CSMD2: variants seen among roughly 807,000 people sequenced by gnomAD.
CSMD2 encodes CUB and sushi domain-containing protein 2.
A neutral mutation model predicts 398.5 loss-of-function variants in CSMD2; 130 were observed. The observed-to-expected ratio is 0.33, with a 90% CI of 0.28 to 0.38. The LOEUF (loss-of-function observed/expected upper bound fraction) is 0.38, where lower values mean the gene tolerates loss of function less well. Ranked by LOEUF, CSMD2 falls within the 10% of genes least tolerant of loss-of-function variation. CSMD2 has a pLI of 1.00. For synonymous variants in CSMD2, 1,828 were observed against 1,908.5 expected (o/e 0.96, Z 1.10); for missense variants, 3,829 against 4,764.9 (o/e 0.80, Z 5.78).
intron 43 of CSMD2, among the ~76,000 whole-genome samples, chr1:33,602,006 T>G: frequency 6.6e-6 from 1 of 152,144 alleles, no homozygotes; most frequent in African/African-American, 2.4e-5. Flanking sequence ...ATCTCTTCCA[T>G]TAGTCTGGGT....
intron 13 of CSMD2, 23 bp downstream of exon 13, chr1:33,772,546 T>C: frequency 6.2e-7 from 1 of 1,601,434 alleles, no homozygotes. Flanking sequence ...GACCCTGGCG[T>C]GGCCTCCTCC....
At chr1:33,672,312 A>C (rs1225147104) in intron 25 of CSMD2, among the ~76,000 whole-genome samples, 1 of 152,244 alleles carries the variant, frequency 6.6e-6, no homozygotes, top group East Asian at 1.9e-4. Context: ...ACGGCACACC[A>C]GGAGATTATA....
At chr1:34,057,540 G>A (rs371589707) in intron 2 of CSMD2, among the ~76,000 whole-genome samples, 40 of 152,134 alleles carry the variant, frequency 2.6e-4, no homozygotes, top group East Asian at 1.7e-3. Context: ...GCCCCCTCCC[G>A]GCAGGCAGCT....
At chr1:33,965,478 G>A (rs2125406856) in intron 3 of CSMD2, among the ~76,000 whole-genome samples, 1 of 152,296 alleles carries the variant, frequency 6.6e-6, no homozygotes, top group East Asian at 1.9e-4. Flanking sequence ...TCCAGCCAAG[G>A]CCACGGGGTA....
intron 2 of CSMD2, among the ~76,000 whole-genome samples, chr1:34,038,880 C>T (rs1168070467): frequency 6.6e-6 from 1 of 152,190 alleles, no homozygotes; most frequent in Non-Finnish European, 1.5e-5. Context: ...TACTCTTCCC[C>T]CGCTTTTCTC....
chr1:33,575,847 C>T (rs1189803536), intron 49 of CSMD2, among the ~76,000 whole-genome samples: 1 of 152,160 alleles, frequency 6.6e-6, no homozygotes, highest in Non-Finnish European at 1.5e-5. Flanking sequence ...AGCACAGGCA[C>T]AGGCGAGAAG....
chr1:33,643,978 C>T (rs767960645), intron 29 of CSMD2, among the ~76,000 whole-genome samples: 15 of 152,116 alleles, frequency 9.9e-5, no homozygotes, highest in Non-Finnish European at 1.8e-4. Context: ...CCAACAGGCA[C>T]CCCCTACCCC....
chr1:33,556,587 C>T (rs1657996844), intron 55 of CSMD2, among the ~76,000 whole-genome samples: 1 of 152,100 alleles, frequency 6.6e-6, no homozygotes, highest in Admixed American at 6.5e-5. Context: ...GAGCAGGAAA[C>T]CAAGGGGTTG....
At chr1:34,115,682 G>C (rs1216791463) in intron 1 of CSMD2, among the ~76,000 whole-genome samples, 2 of 151,974 alleles carry the variant, frequency 1.3e-5, no homozygotes, top group Non-Finnish European at 2.9e-5. Flanking sequence ...ATAGAATCTT[G>C]TAATACTATA....
chr1:33,851,902 G>T (rs1385141708), intron 5 of CSMD2, among the ~76,000 whole-genome samples: 4 of 152,136 alleles, frequency 2.6e-5, no homozygotes, highest in African/African-American at 9.6e-5. Flanking sequence ...TTTGAAAAGA[G>T]GCCCCTCAGC....
At chr1:33,929,432 CTTT>C (rs936900076) in intron 4 of CSMD2, among the ~76,000 whole-genome samples, 81 of 100,642 alleles carry the variant, frequency 8.0e-4, no homozygotes, top group African/African-American at 1.7e-3. Context: ...CAAGCCTATA[CTTT>C]TTTTTTTTTT....
chr1:33,799,463 A>G (rs982652968), intron 10 of CSMD2, among the ~76,000 whole-genome samples: 3 of 152,210 alleles, frequency 2.0e-5, no homozygotes, highest in African/African-American at 7.2e-5. Flanking sequence ...CTAGTTCATA[A>G]TTTGGGATGC....
intron 5 of CSMD2, 26 bp downstream of exon 5, chr1:33,918,068 G>A: frequency 6.9e-6 from 11 of 1,603,834 alleles, no homozygotes; most frequent in Non-Finnish European, 9.4e-6. Flanking sequence ...GAATAGGGTA[G>A]GAAAGGAAGG....
At chr1:33,936,092 A>T in intron 3 of CSMD2, 138 bp from the exon 4 acceptor site, 1 of 646,262 alleles carries the variant, frequency 1.5e-6, no homozygotes. Context: ...AGCATTGCCC[A>T]CTGCTGATCT....
chr1:34,101,588 A>C (rs1363340628), intron 1 of CSMD2, among the ~76,000 whole-genome samples: 2 of 152,190 alleles, frequency 1.3e-5, no homozygotes, highest in Non-Finnish European at 2.9e-5. Flanking sequence ...TAGGTGCAAA[A>C]AATGTGATCT....
chr1:33,913,462 C>T (rs1643567064), intron 5 of CSMD2, among the ~76,000 whole-genome samples: 1 of 152,166 alleles, frequency 6.6e-6, no homozygotes, highest in African/African-American at 2.4e-5. Context: ...GCTGGGGTTG[C>T]TCCATCTTAC....
rs1020560158 is a variant in CSMD2 at position 33,923,265 on chromosome 1, T to C, written c.713-4964A>G. On this transcript the variant is annotated intron_variant, in intron 4 of 70. Coordinates refer to ENST00000373381, the MANE Select transcript of CSMD2 (RefSeq NM_001281956.2). Reference sequence around the variant, plus strand: ...GTGGGTCATGGGGATGGATGCCTCATGGCTTGGTGCTGTCCTTGTGACAGT... The same window carrying C: ...GTGGGTCATGGGGATGGATGCCTCACGGCTTGGTGCTGTCCTTGTGACAGT... 5.3e-5 allele frequency among the ~76,000 whole-genome samples: 8 copies of C among 152,144 alleles called. No individual in the cohort carries two copies. In the East Asian group the frequency reaches 9.6e-4, roughly 18 times the overall value.
chr1:34,144,803 C>T (rs542958784), intron 1 of CSMD2, among the ~76,000 whole-genome samples: 2 of 152,256 alleles, frequency 1.3e-5, no homozygotes, highest in East Asian at 1.9e-4. Context: ...GTTCCCAGAC[C>T]CCTGTGGCTC....
At position 33,742,035 on chromosome 1, in the gene CSMD2, C is replaced by T. The variant is rs567661435; in HGVS notation, c.2173+1245G>A. Among the ~76,000 whole-genome samples, 14 of 152,330 alleles carry T rather than the reference C, an allele frequency of 9.2e-5. No individual in the cohort carries two copies. The East Asian group carries it at 1.5e-3, about 17-fold the overall frequency. Reference sequence around the variant, plus strand: ...GATATAAAGATAAGGAAAGCATACTCGCTCCTTTCTAGTGTGAAGCAGCAT... The same window carrying T: ...GATATAAAGATAAGGAAAGCATACTTGCTCCTTTCTAGTGTGAAGCAGCAT... On this transcript the variant is annotated intron_variant, in intron 14 of 70. Coordinates refer to ENST00000373381, the MANE Select transcript of CSMD2 (RefSeq NM_001281956.2).
Sources: gnomAD v4.1 joint callset for allele counts (sites outside exome capture counted in the v4.1 genomes callset) on GRCh38, gnomAD v4.1.1 for gene constraint, MANE v1.5 for transcripts, NCBI Gene and HGNC (gene_info 2026-07-23, HGNC 2026-07-21) for gene names.